PCDH9: variants seen among roughly 807,000 people sequenced by gnomAD.
PCDH9 encodes protocadherin-9.
PCDH9 carries 24 observed loss-of-function variants against 70.6 expected under a neutral mutation model. The ratio of observed to expected loss-of-function variants is 0.34; its 90% confidence interval spans 0.25 to 0.48. The LOEUF (loss-of-function observed/expected upper bound fraction) is 0.48. Among genes scored for constraint, PCDH9 ranks in the 20% least tolerant of loss-of-function variants. The probability of loss-of-function intolerance (pLI) is 0.99; values close to 1 mark genes in which losing one functional copy is unlikely to be tolerated. For synonymous variants in PCDH9, 562 were observed against 558.5 expected (o/e 1.01, Z -0.09); for missense variants, 1,281 against 1,503.6 (o/e 0.85, Z 2.45).
At chr13:67,031,337 T>C (rs1307082952) in intron 2 of PCDH9, among the ~76,000 whole-genome samples, 1 of 152,222 alleles carries the variant, frequency 6.6e-6, no homozygotes, top group Admixed American at 6.5e-5. Flanking sequence ...GAATCCTTAA[T>C]TCTTTTCCTA....
chr13:66,974,638 G>T (rs1356460971), intron 2 of PCDH9, among the ~76,000 whole-genome samples: 1 of 151,984 alleles, frequency 6.6e-6, no homozygotes. Context: ...TTGGCAAATT[G>T]TTTGTGACCT....
intron 4 of PCDH9, among the ~76,000 whole-genome samples, chr13:66,504,558 C>G (rs74095252): frequency 0.028 from 4,238 of 152,108 alleles, 195 homozygotes; most frequent in African/African-American, 0.095. Flanking sequence ...TTTTCTTAAG[C>G]CTTTAAGGTT....
chr13:66,450,942 A>G (rs751519684), intron 4 of PCDH9, among the ~76,000 whole-genome samples: 2 of 152,066 alleles, frequency 1.3e-5, no homozygotes, highest in East Asian at 3.9e-4. Flanking sequence ...GCGTGAACCC[A>G]GGAGGCAGAG....
At chr13:66,778,082 T>G (rs1400625793) in intron 3 of PCDH9, among the ~76,000 whole-genome samples, 1 of 129,622 alleles carries the variant, frequency 7.7e-6, no homozygotes, top group African/African-American at 3.0e-5. Context: ...AATTGAACAA[T>G]GAGAACACAT....
intron 3 of PCDH9, among the ~76,000 whole-genome samples, chr13:66,633,550 T>G (rs1257061378): frequency 2.0e-5 from 3 of 152,158 alleles, no homozygotes; most frequent in Non-Finnish European, 4.4e-5. Context: ...CAGTGCTTAT[T>G]ATGGATGACT....
At chr13:66,787,687 G>T (rs2080101672) in intron 3 of PCDH9, among the ~76,000 whole-genome samples, 2 of 152,074 alleles carry the variant, frequency 1.3e-5, no homozygotes, top group Non-Finnish European at 2.9e-5. Flanking sequence ...ATTATTGAAT[G>T]ATACTTTTGA....
chr13:66,514,812 C>T (rs1165289584), intron 4 of PCDH9, among the ~76,000 whole-genome samples: 2 of 152,070 alleles, frequency 1.3e-5, no homozygotes, highest in Non-Finnish European at 2.9e-5. Context: ...CTGCATCGTT[C>T]ACACTTTCAA....
intron 2 of PCDH9, among the ~76,000 whole-genome samples, chr13:67,117,969 T>C (rs1367988114): frequency 6.6e-6 from 1 of 152,102 alleles, no homozygotes; most frequent in Non-Finnish European, 1.5e-5. Context: ...TTTATAAAAT[T>C]TTCAAAACAG....
At chr13:66,818,490 T>C (rs1329731275) in intron 3 of PCDH9, among the ~76,000 whole-genome samples, 1 of 152,164 alleles carries the variant, frequency 6.6e-6, no homozygotes, top group Non-Finnish European at 1.5e-5. Flanking sequence ...ACTCATGCTG[T>C]GACATAGTAT....
chr13:66,956,818 G>A (rs186234417), intron 2 of PCDH9, among the ~76,000 whole-genome samples: 32 of 152,162 alleles, frequency 2.1e-4, no homozygotes, highest in Non-Finnish European at 4.4e-4. Flanking sequence ...ATTCGGATAG[G>A]CCATTGTTGC....
chr13:67,184,685 C>T (rs919800033), intron 2 of PCDH9, among the ~76,000 whole-genome samples: 15 of 152,148 alleles, frequency 9.9e-5, no homozygotes, highest in Non-Finnish European at 1.8e-4. Context: ...GAGCTGAGAT[C>T]GCACCACTGC....
chr13:66,429,535 G>T (rs1437027342), intron 4 of PCDH9, among the ~76,000 whole-genome samples: 5 of 151,138 alleles, frequency 3.3e-5, no homozygotes, highest in Non-Finnish European at 7.4e-5. Context: ...TAGGAAATGA[G>T]GTTTGGAGGA....
At chr13:66,446,122 A>ATG (rs143967478) in intron 4 of PCDH9, among the ~76,000 whole-genome samples, 1 of 152,070 alleles carries the variant, frequency 6.6e-6, no homozygotes, top group African/African-American at 2.4e-5. Flanking sequence ...TTTATATGTG[A>ATG]TGTGTGTATG....
chr13:66,322,047 G>T (rs1415999146), intron 4 of PCDH9, among the ~76,000 whole-genome samples: 1 of 137,770 alleles, frequency 7.3e-6, no homozygotes, highest in Non-Finnish European at 1.6e-5. Context: ...TGTATATTTG[G>T]ATGCATGGGG....
intron 4 of PCDH9, among the ~76,000 whole-genome samples, chr13:66,380,468 A>G (rs1956825326): frequency 6.6e-6 from 1 of 151,412 alleles, no homozygotes; most frequent in Non-Finnish European, 1.5e-5. Context: ...TGGTGAATTG[A>G]CATTGTAATG....
intron 3 of PCDH9, among the ~76,000 whole-genome samples, chr13:66,636,508 T>G (rs192488804): frequency 3.4e-4 from 52 of 152,208 alleles, no homozygotes; most frequent in African/African-American, 1.2e-3. Flanking sequence ...ATAAACCAAT[T>G]ATCTAATTAA....
intron 4 of PCDH9, among the ~76,000 whole-genome samples, chr13:66,347,362 G>T (rs974450610): frequency 1.3e-5 from 2 of 152,102 alleles, no homozygotes; most frequent in Admixed American, 6.5e-5. Flanking sequence ...TTATCATTCA[G>T]TGTACTTAAA....
chr13:67,204,972 T>C (rs2089302733), intron 2 of PCDH9: 1 of 152,184 alleles, frequency 6.6e-6, no homozygotes, highest in Non-Finnish European at 1.5e-5. Context: ...GGCTTTTATG[T>C]TTGGTCTAAT....
intron 4 of PCDH9, among the ~76,000 whole-genome samples, chr13:66,350,154 A>C (rs146051221): frequency 1.3e-5 from 2 of 152,284 alleles, no homozygotes; most frequent in East Asian, 3.9e-4. Context: ...TTTCAAGTCA[A>C]AAATAAGTAA....
Sources: gnomAD v4.1 joint callset for allele counts (sites outside exome capture counted in the v4.1 genomes callset) on GRCh38, gnomAD v4.1.1 for gene constraint, MANE v1.5 for transcripts, NCBI Gene and HGNC (gene_info 2026-07-23, HGNC 2026-07-21) for gene names.